The following ACTN4 variants were observed in gnomAD, a reference collection of about 807,000 sequenced individuals.
ACTN4 encodes actinin alpha 4.
A neutral mutation model predicts 114.2 loss-of-function variants in ACTN4; 18 were observed. That is an observed-to-expected ratio of 0.16 (90% CI 0.11 to 0.23). ACTN4 has a LOEUF of 0.23. ACTN4 is among the 10% of genes least tolerant of loss of function. ACTN4 has a pLI of 1.00. For missense variants in ACTN4, 722 were observed against 1,262.9 expected, an observed-to-expected ratio of 0.57 and a Z score of 6.49; for synonymous variants, 515 against 506.3, an observed-to-expected ratio of 1.02 and a Z score of -0.23.
At chr19:38,706,992 G>A (rs990844061) in intron 5 of ACTN4, among the ~76,000 whole-genome samples, 1 of 152,314 alleles carries the variant, frequency 6.6e-6, no homozygotes, top group Non-Finnish European at 1.5e-5. Context: ...CGGTCCTGAG[G>A]TCAGATCCGG....
chr19:38,655,116 A>G (rs1226964213), intron 1 of ACTN4, among the ~76,000 whole-genome samples: 1 of 152,212 alleles, frequency 6.6e-6, no homozygotes, highest in Non-Finnish European at 1.5e-5. Context: ...TTATAGACAC[A>G]TAATAATTTC....
chr19:38,688,425 G>C (rs1479745403), intron 1 of ACTN4, among the ~76,000 whole-genome samples: 1 of 142,562 alleles, frequency 7.0e-6, no homozygotes, highest in Non-Finnish European at 1.5e-5. Flanking sequence ...ACAAAAATTA[G>C]CTGGACATGG....
At position 38,724,543 on chromosome 19, in the gene ACTN4, C is replaced by T; in HGVS notation, c.1988C>T (p.Pro663Leu). 6.2e-7 allele frequency: 1 copy of T among 1,613,678 alleles called. No homozygotes were observed. The highest frequency in any genetic ancestry group is 2.2e-5 in the East Asian group (1 of 44,882). ...QFASQANVVGPWIQTKMEEIG... is the reference protein window; with the variant it reads ...QFASQANVVGLWIQTKMEEIG... Reference sequence around the variant, plus strand: ...GCCAGCCAGGCCAATGTTGTGGGGCCCTGGATCCAGACCAAGATGGAGGTG... The same window carrying T: ...GCCAGCCAGGCCAATGTTGTGGGGCTCTGGATCCAGACCAAGATGGAGGTG... The change falls in exon 16 of 21, where the codon CCC (proline) becomes CTC (leucine). Residue 663 changes from proline to leucine, a missense_variant. Physicochemically the swap from Pro to Leu is moderately conservative, Grantham distance 98. Coordinates refer to ENST00000252699, the MANE Select transcript of ACTN4 (RefSeq NM_004924.6). This position sits in a 1 kb window ranked among gnomAD's most constrained non-coding sequence, Gnocchi z 7.0.
chr19:38,648,078 C>A, intron 1 of ACTN4, 171 bp downstream of exon 1: 1 of 719,876 alleles, frequency 1.4e-6, no homozygotes, highest in Non-Finnish European at 2.0e-6. Flanking sequence ...AATCGCCGAG[C>A]TAGAGGAAGG....
At chr19:38,715,152 G>A (rs866163502) in intron 9 of ACTN4, among the ~76,000 whole-genome samples, 5 of 152,198 alleles carry the variant, frequency 3.3e-5, no homozygotes, top group African/African-American at 4.8e-5. Context: ...AATAAGGGTG[G>A]TTAGTACAAC....
chr19:38,702,163 G>C lies in ACTN4; in HGVS notation c.397+1042G>C, dbSNP rs189299781. 7.2e-5 allele frequency among the ~76,000 whole-genome samples: 11 copies of C among 152,368 alleles called. No individual in the cohort carries two copies. The East Asian group carries it at 2.1e-3, about 29-fold the overall frequency. On this transcript the variant is annotated intron_variant, in intron 3 of 20. Coordinates refer to ENST00000252699, the MANE Select transcript of ACTN4 (RefSeq NM_004924.6). The stretch of plus-strand genomic sequence containing the variant: ...CTGCATTTATTTTGCTCAAATGCTA[G>C]TCTGTAAATACAGAAGGGGTTAGAG...
At chr19:38,713,644 G>T (rs1234820660) in intron 8 of ACTN4, among the ~76,000 whole-genome samples, 1 of 152,194 alleles carries the variant, frequency 6.6e-6, no homozygotes, top group Non-Finnish European at 1.5e-5. Context: ...GGGCGTCGCT[G>T]CCTGCAGCAC....
rs756974401 is a variant in ACTN4 at position 38,714,555 on chromosome 19, C to A, written c.906C>A (p.Ala302=). 7 of 1,613,962 alleles carry A rather than the reference C, an allele frequency of 4.3e-6. No individual in the cohort carries two copies. In the South Asian group the frequency reaches 7.7e-5, roughly 18 times the overall value. The change falls in exon 9 of 21, where the codon GCC becomes GCA. Residue 302 remains alanine, a synonymous_variant. Coordinates refer to ENST00000252699, the MANE Select transcript of ACTN4 (RefSeq NM_004924.6). ...EHLMEDYEKL[A]SDLLEWIRRT... is the part of the protein sequence containing the mutation. The stretch of plus-strand genomic sequence containing the variant: ...TGATGGAGGACTACGAGAAGCTGGC[C>A]AGCGACGTGAGTGTTCCCCCAGTGA...
chr19:38,706,553 G>A (rs543692435), intron 5 of ACTN4, among the ~76,000 whole-genome samples: 2 of 152,264 alleles, frequency 1.3e-5, no homozygotes, highest in South Asian at 4.1e-4. Context: ...AGCTGGGACT[G>A]CAGGTGCATG....
At position 38,723,705 on chromosome 19, in the gene ACTN4, C is replaced by T. The variant is rs778312331; in HGVS notation, c.1534C>T (p.Arg512Cys). 42 of 1,611,070 alleles carry T rather than the reference C, an allele frequency of 2.6e-5. No homozygotes were observed. Among genetic ancestry groups the T allele is most frequent in the Admixed American group, 3.3e-5 (2 of 59,732 alleles). ...CGCCCTCGGCTCTCTGACACATAGT[C>T]GCAGGGAAGCCCTGGAGGTGAGGAG... ...WDALGSLTHS[R>C]REALEKTEKQ... The change falls in exon 13 of 21, where the codon CGC becomes TGC. Residue 512 changes from arginine to cysteine, a missense_variant. By Grantham distance (180) the Arg-to-Cys change is radical (BLOSUM62 -3). This residue lies in a region of ACTN4 where 523 missense variants were observed against 875.9 expected (regional missense o/e 0.60). Coordinates refer to ENST00000252699, the MANE Select transcript of ACTN4 (RefSeq NM_004924.6).
intron 1 of ACTN4, among the ~76,000 whole-genome samples, chr19:38,658,856 T>C (rs1384024719): frequency 6.6e-6 from 1 of 152,054 alleles, no homozygotes; most frequent in East Asian, 1.9e-4. Context: ...TGAGCTACAC[T>C]GCCAAGACTG....
intron 3 of ACTN4, among the ~76,000 whole-genome samples, chr19:38,702,092 A>G (rs1341432779): frequency 1.3e-5 from 2 of 152,238 alleles, no homozygotes; most frequent in African/African-American, 2.4e-5. Context: ...CTGTCCTTGC[A>G]TGGGTCTTTC....
intron 1 of ACTN4, among the ~76,000 whole-genome samples, chr19:38,680,874 C>T (rs1263860153): frequency 6.6e-6 from 1 of 152,030 alleles, no homozygotes; most frequent in Non-Finnish European, 1.5e-5. Context: ...ACCTGTAATC[C>T]CAGCACTTTG....
chr19:38,709,739 C>G (rs557835114), intron 7 of ACTN4, among the ~76,000 whole-genome samples: 1 of 152,316 alleles, frequency 6.6e-6, no homozygotes, highest in African/African-American at 2.4e-5. Context: ...GAAGGATCAA[C>G]TCTCCTGAGG....
intron 1 of ACTN4, among the ~76,000 whole-genome samples, chr19:38,697,331 G>T (rs562386012): frequency 2.0e-5 from 3 of 152,228 alleles, no homozygotes; most frequent in Non-Finnish European, 4.4e-5. Flanking sequence ...GCAGAGAAGA[G>T]ACTGGATCTC....
intron 1 of ACTN4, among the ~76,000 whole-genome samples, chr19:38,692,277 A>G (rs1301535409): frequency 6.6e-6 from 1 of 152,260 alleles, no homozygotes; most frequent in Non-Finnish European, 1.5e-5. Context: ...GGTCCTGGAC[A>G]GGCTGCCCCG....
Position 38,717,010 on chromosome 19 carries a change from C to A in ACTN4, c.913-76C>A, listed in dbSNP as rs1968863825. 1.4e-6 allele frequency: 2 copies of A among 1,468,154 alleles called. No homozygotes were observed. Among genetic ancestry groups the A allele is most frequent in the Admixed American group, 3.9e-5 (2 of 51,332 alleles). The allele number at this position is 1,468,154 out of a possible 1,614,324, so 90.9% of individuals were successfully genotyped here. On this transcript the variant is annotated intron_variant, in intron 9 of 20. Transcript: ENST00000252699. This position sits in a 1 kb window ranked among gnomAD's most constrained non-coding sequence, Gnocchi z 4.0. ...CCCTCAAAGATCCAGATCCCATGTG[C>A]CCATAAGCTGGGGGGCAGCCCGTCA...
chr19:38,702,185 AGAG>A (rs1267011429), intron 3 of ACTN4, among the ~76,000 whole-genome samples: 1 of 152,232 alleles, frequency 6.6e-6, no homozygotes, highest in Non-Finnish European at 1.5e-5. Flanking sequence ...AGAAGGGGTT[AGAG>A]GAGAGACCCA....
At chr19:38,670,768 C>T (rs891692330) in intron 1 of ACTN4, among the ~76,000 whole-genome samples, 2 of 151,930 alleles carry the variant, frequency 1.3e-5, no homozygotes. Context: ...ACTAAAAATA[C>T]AAAAATTAGC....
Sources: gnomAD v4.1 joint callset for allele counts (sites outside exome capture counted in the v4.1 genomes callset) on GRCh38, gnomAD v4.1.1 for gene constraint, gnomAD v4.1.1 regional missense constraint, Gnocchi (gnomAD v3.1) non-coding constraint, MANE v1.5 for transcripts, NCBI Gene and HGNC (gene_info 2026-07-23, HGNC 2026-07-21) for gene names.